Variants in GRIK2 observed in about 807,000 individuals in gnomAD.
GRIK2 encodes the protein glutamate receptor ionotropic, kainate 2.
GRIK2 carries 32 observed loss-of-function variants against 100.3 expected under a neutral mutation model. The observed-to-expected ratio is 0.32, with a 90% CI of 0.24 to 0.43. GRIK2 has a LOEUF of 0.43. GRIK2 is among the 20% of genes least tolerant of loss of function. The pLI is 1.00. For missense variants in GRIK2, 843 were observed against 1,114.9 expected, an observed-to-expected ratio of 0.76 and a Z score of 3.47; for synonymous variants, 417 against 389.4, an observed-to-expected ratio of 1.07 and a Z score of -0.83.
At chr6:101,645,492 A>C (rs1781485271) in intron 4 of GRIK2, among the ~76,000 whole-genome samples, 1 of 151,914 alleles carries the variant, frequency 6.6e-6, no homozygotes, top group Non-Finnish European at 1.5e-5. Context: ...TACGTTAAAC[A>C]ATAAAGATGG....
At chr6:101,720,090 CG>C (rs199771403) in intron 7 of GRIK2, among the ~76,000 whole-genome samples, 6,458 of 151,038 alleles carry the variant, frequency 0.043, 169 homozygotes, top group East Asian at 0.08. Flanking sequence ...AGGATGATTT[CG>C]TTTTTTTTTC....
chr6:101,532,534 A>C (rs1264276565), intron 2 of GRIK2, among the ~76,000 whole-genome samples: 1 of 61,602 alleles, frequency 1.6e-5, no homozygotes, highest in Non-Finnish European at 3.0e-5. Flanking sequence ...ATGTCTGGGG[A>C]GACCTTTTTT....
At chr6:101,873,543 C>A (rs1785580340) in intron 11 of GRIK2, among the ~76,000 whole-genome samples, 1 of 151,938 alleles carries the variant, frequency 6.6e-6, no homozygotes, top group Admixed American at 6.6e-5. Context: ...GTGAATAGTG[C>A]CACAATAAAC....
intron 15 of GRIK2, among the ~76,000 whole-genome samples, chr6:102,044,341 CCTTT>C (rs1303651989): frequency 2.6e-5 from 4 of 151,848 alleles, no homozygotes; most frequent in African/African-American, 9.7e-5. Context: ...TCATGCAATC[CCTTT>C]CTTTTACCTA....
intron 2 of GRIK2, among the ~76,000 whole-genome samples, chr6:101,499,962 T>A (rs1773663508): frequency 6.6e-6 from 1 of 152,144 alleles, no homozygotes; most frequent in African/African-American, 2.4e-5. Flanking sequence ...CCTTGTTTTT[T>A]TATGATATTA....
chr6:101,887,586 T>C lies in GRIK2; in HGVS notation c.1525-2054T>C, dbSNP rs528714555. On this transcript the variant is annotated intron_variant, in intron 11 of 16. Coordinates refer to ENST00000369134, the MANE Select transcript of GRIK2 (RefSeq NM_021956.5). The stretch of plus-strand genomic sequence containing the variant: ...TAAAGAACTACCTGAGACTGGGTAA[T>C]TTATGAAGAAAAGAGGTTCAATTGA... Among the ~76,000 whole-genome samples the C allele has an allele frequency of 5.9e-4, 90 of 152,242 alleles. 1 individual carries two copies. The highest frequency in any genetic ancestry group is 2.0e-3 in the African/African-American group (85 of 41,550).
intron 7 of GRIK2, among the ~76,000 whole-genome samples, chr6:101,758,768 T>TG (rs1486724594): frequency 6.6e-6 from 1 of 152,212 alleles, no homozygotes; most frequent in South Asian, 2.1e-4. Context: ...CGTGATAAAC[T>TG]GGGGGAATCA....
rs140251584 is a variant in GRIK2 at position 101,555,511 on chromosome 6, G to A, written c.116-66438G>A. On this transcript the variant is annotated intron_variant, in intron 2 of 16. Transcript: ENST00000369134. ...ACTAACTCCTATATCCAGAGGAATAGGGACTTCAATGATACTCAGGAAAAA... is the reference window on the plus strand; with the variant it reads ...ACTAACTCCTATATCCAGAGGAATAAGGACTTCAATGATACTCAGGAAAAA... 2.2e-4 allele frequency among the ~76,000 whole-genome samples: 34 copies of A among 152,218 alleles called. No homozygotes were observed. In the East Asian group the frequency reaches 5.4e-3, roughly 24 times the overall value.
intron 2 of GRIK2, among the ~76,000 whole-genome samples, chr6:101,556,157 T>A (rs1490219754): frequency 2.6e-5 from 4 of 151,888 alleles, no homozygotes; most frequent in Non-Finnish European, 5.9e-5. Context: ...ACATGACATT[T>A]TGAAAATTAT....
chr6:101,811,239 T>C (rs2852573), intron 9 of GRIK2, among the ~76,000 whole-genome samples: 16,363 of 152,130 alleles, frequency 0.11, 1,804 homozygotes, highest in East Asian at 0.61. Flanking sequence ...GTGTGGTTTC[T>C]CATTATCATC....
intron 12 of GRIK2, among the ~76,000 whole-genome samples, chr6:101,914,333 T>C (rs775313264): frequency 2.0e-5 from 3 of 151,450 alleles, no homozygotes; most frequent in Non-Finnish European, 4.4e-5. Context: ...ATATTGGTCA[T>C]GCTGAGTATG....
intron 14 of GRIK2, among the ~76,000 whole-genome samples, chr6:101,974,265 T>A (rs1481534275): frequency 6.6e-6 from 1 of 151,890 alleles, no homozygotes; most frequent in East Asian, 1.9e-4. Context: ...TTTAAAATAA[T>A]TTTTGAGTAC....
At chr6:101,670,456 G>T (rs141986491) in intron 4 of GRIK2, among the ~76,000 whole-genome samples, 6 of 152,162 alleles carry the variant, frequency 3.9e-5, no homozygotes, top group South Asian at 2.1e-4. Flanking sequence ...AACATTTATT[G>T]TACCTGATGG....
At chr6:101,563,107 GA>G (rs1266358645) in intron 2 of GRIK2, among the ~76,000 whole-genome samples, 3 of 152,256 alleles carry the variant, frequency 2.0e-5, no homozygotes, top group South Asian at 4.1e-4. Context: ...GCCTGCTCCT[GA>G]TGAAATAATA....
intron 2 of GRIK2, among the ~76,000 whole-genome samples, chr6:101,595,716 G>GTATATATATATATA (rs751726535): frequency 3.7e-5 from 5 of 133,786 alleles, no homozygotes; most frequent in African/African-American, 1.4e-4. Flanking sequence ...GTGTGTGTGT[G>GTATATATATATATA]TGTATATATA....
At chr6:101,533,210 A>G (rs902986721) in intron 2 of GRIK2, among the ~76,000 whole-genome samples, 1 of 151,858 alleles carries the variant, frequency 6.6e-6, no homozygotes, top group Non-Finnish European at 1.5e-5. Context: ...TCTCTTGTGC[A>G]GGGGATGCTC....
At chr6:101,537,242 A>G (rs1028665454) in intron 2 of GRIK2, among the ~76,000 whole-genome samples, 1 of 151,864 alleles carries the variant, frequency 6.6e-6, no homozygotes, top group Non-Finnish European at 1.5e-5. Flanking sequence ...TAAACACTGA[A>G]AAGGAAATTG....
intron 7 of GRIK2, among the ~76,000 whole-genome samples, chr6:101,777,980 T>G (rs1778855726): frequency 6.6e-6 from 1 of 152,198 alleles, no homozygotes; most frequent in African/African-American, 2.4e-5. Context: ...GTGTGATTGT[T>G]ATTCAGAGCT....
chr6:101,702,785 T>C (rs1772986329), intron 7 of GRIK2, among the ~76,000 whole-genome samples: 1 of 151,526 alleles, frequency 6.6e-6, no homozygotes, highest in African/African-American at 2.4e-5. Context: ...GGATAAGAAA[T>C]AGGTAGCCAT....
Sources: gnomAD v4.1 joint callset for allele counts (sites outside exome capture counted in the v4.1 genomes callset) on GRCh38, gnomAD v4.1.1 for gene constraint, MANE v1.5 for transcripts, NCBI Gene and HGNC (gene_info 2026-07-23, HGNC 2026-07-21) for gene names.